MLLT1: variants seen among roughly 807,000 people sequenced by gnomAD.
MLLT1 encodes MLLT1 super elongation complex subunit.
A neutral mutation model predicts 55.1 loss-of-function variants in MLLT1; 11 were observed. The observed-to-expected ratio is 0.20, with a 90% CI of 0.13 to 0.33. MLLT1 has a LOEUF of 0.33. Ranked by LOEUF, MLLT1 falls within the 10% of genes least tolerant of loss-of-function variation. The pLI, the probability that MLLT1 is intolerant of heterozygous loss-of-function variation, is 1.00. For missense variants in MLLT1, 536 were observed against 760.6 expected (o/e 0.70, Z 3.47); for synonymous variants, 323 against 320.1 (o/e 1.01, Z -0.10).
intron 3 of MLLT1, among the ~76,000 whole-genome samples, chr19:6,237,274 A>C (rs895652894): frequency 2.0e-5 from 3 of 151,980 alleles, no homozygotes; most frequent in African/African-American, 7.2e-5. Context: ...CCCACACCCC[A>C]CCTGGAGGAC....
At chr19:6,275,432 C>T (rs2091422874) in intron 1 of MLLT1, among the ~76,000 whole-genome samples, 1 of 152,142 alleles carries the variant, frequency 6.6e-6, no homozygotes, top group East Asian at 1.9e-4. Context: ...TCCCATGGAG[C>T]GACGGCAACA....
intron 2 of MLLT1, among the ~76,000 whole-genome samples, chr19:6,268,224 A>C (rs2091364936): frequency 6.6e-6 from 1 of 152,240 alleles, no homozygotes; most frequent in African/African-American, 2.4e-5. Flanking sequence ...CCCAAAGGTA[A>C]ACAGGCTCAC....
intron 3 of MLLT1, chr19:6,259,367 G>C (rs1002048390): frequency 6.6e-6 from 1 of 152,208 alleles, no homozygotes; most frequent in African/African-American, 2.4e-5. Flanking sequence ...CCTATCCCTG[G>C]CACCAAAACT....
Position 6,213,382 on chromosome 19 carries a change from T to A in MLLT1, c.1506A>T (p.Leu502=). ...CCCGCAGCGCCATCAGCCTCCGGTG[T>A]AGCTCCACCAGCTCATCCGTGTAGG... ...DKAYTDELVE[L]HRRLMALRER... is the part of the protein sequence containing the mutation. The change falls in exon 11 of 12, where the codon CTA becomes CTT. Residue 502 remains leucine, a synonymous_variant. Coordinates refer to ENST00000252674, the MANE Select transcript of MLLT1 (RefSeq NM_005934.4). The A allele has an allele frequency of 6.2e-7, 1 of 1,611,924 alleles. No homozygotes were observed. The highest frequency in any genetic ancestry group is 1.3e-5 in the African/African-American group (1 of 75,028).
chr19:6,213,261 A>G, intron 11 of MLLT1, 76 bp downstream of exon 11: 1 of 1,604,428 alleles, frequency 6.2e-7, no homozygotes, highest in Admixed American at 1.7e-5. Flanking sequence ...CTGGGGCAGC[A>G]CCAGGGGCCC....
In MLLT1 at chr19:6,226,680, G is replaced by C. The variant is rs1187150768; in HGVS notation, c.546+297C>G. 6.6e-6 allele frequency among the ~76,000 whole-genome samples: 1 copy of C among 152,180 alleles called. No individual in the cohort carries two copies. Among genetic ancestry groups the C allele is most frequent in the African/African-American group, 2.4e-5 (1 of 41,470 alleles). On this transcript the variant is annotated intron_variant, in intron 5 of 11. Transcript: ENST00000252674. The surrounding 1 kb of genome is among the most constrained non-coding windows in gnomAD (Gnocchi z 6.3). ...AACAGCCTTCGGCGAAGGTCTCAGGGCTTCAGGCCGAGCAGTCCTGGGGCC... is the reference window on the plus strand; with the variant it reads ...AACAGCCTTCGGCGAAGGTCTCAGGCCTTCAGGCCGAGCAGTCCTGGGGCC...
chr19:6,270,445 G>A lies in MLLT1; in HGVS notation c.193+134C>T, dbSNP rs935220226. ...GGTGACACGGCTCCAGTGCCCCCAC[G>A]CCGAGGGACGCAAGCTGGAACCTCA... On this transcript the variant is annotated intron_variant, in intron 2 of 11. Coordinates refer to ENST00000252674, the MANE Select transcript of MLLT1 (RefSeq NM_005934.4). This position sits in a 1 kb window ranked among gnomAD's most constrained non-coding sequence, Gnocchi z 7.1. The A allele has an allele frequency of 4.4e-6, 4 of 915,706 alleles. No homozygotes were observed. Among genetic ancestry groups the A allele is most frequent in the African/African-American group, 3.4e-5 (2 of 59,208 alleles). 56.7% of individuals were successfully genotyped at this position (915,706 alleles called of 1,614,324 possible).
At chr19:6,232,472 G>A (rs566970643) in intron 3 of MLLT1, among the ~76,000 whole-genome samples, 2 of 152,284 alleles carry the variant, frequency 1.3e-5, no homozygotes, top group East Asian at 1.9e-4. Flanking sequence ...AAGCACTAAC[G>A]CCACATAGCT....
chr19:6,260,251 G>A (rs565014961), intron 3 of MLLT1, among the ~76,000 whole-genome samples: 49 of 152,266 alleles, frequency 3.2e-4, no homozygotes, highest in South Asian at 4.1e-4. Flanking sequence ...AAGGGCCCCC[G>A]GCTCCCTTTA....
In MLLT1 at chr19:6,227,196, A is replaced by C. The variant is rs1172958227; in HGVS notation, c.421-94T>G. The C allele has an allele frequency of 1.2e-5, 16 of 1,327,456 alleles. No individual in the cohort carries two copies. In the Admixed American group the frequency reaches 4.3e-4, roughly 36 times the overall value. 82.2% of individuals were successfully genotyped at this position (1,327,456 alleles called of 1,614,324 possible). On this transcript the variant is annotated intron_variant, in intron 4 of 11. Transcript: ENST00000252674. The surrounding 1 kb of genome is among the most constrained non-coding windows in gnomAD (Gnocchi z 5.1). The stretch of plus-strand genomic sequence containing the variant: ...AGGTGGTGGGGCTTCCCTCTGCAGG[A>C]GGGGAGAAGGGAGAGCCTGAGCGCT...
chr19:6,244,875 A>C (rs2091152065), intron 3 of MLLT1, among the ~76,000 whole-genome samples: 1 of 152,206 alleles, frequency 6.6e-6, no homozygotes, highest in Non-Finnish European at 1.5e-5. Flanking sequence ...TGCAAATCAA[A>C]ACCTAACCAG....
chr19:6,241,916 T>A (rs1384523576), intron 3 of MLLT1, among the ~76,000 whole-genome samples: 1 of 152,154 alleles, frequency 6.6e-6, no homozygotes, highest in Non-Finnish European at 1.5e-5. Context: ...CTCGGCCACA[T>A]CAACCGGCCG....
intron 5 of MLLT1, among the ~76,000 whole-genome samples, chr19:6,225,039 T>A (rs2090941689): frequency 6.6e-6 from 1 of 152,316 alleles, no homozygotes; most frequent in South Asian, 2.1e-4. Flanking sequence ...AAAATCACGT[T>A]TGCAAGGTTG....
chr19:6,222,529 G>C lies in MLLT1; in HGVS notation c.702C>G (p.Gly234=), dbSNP rs751164053. 6.2e-7 allele frequency: 1 copy of C among 1,600,364 alleles called. No homozygotes were observed. The highest frequency in any genetic ancestry group is 8.5e-7 in the Non-Finnish European group (1 of 1,179,612). The change falls in exon 6 of 12, where the codon GGC becomes GGG. Residue 234 remains glycine (G), a synonymous_variant. Transcript: ENST00000252674. The surrounding 1 kb of genome is among the most constrained non-coding windows in gnomAD (Gnocchi z 4.1). ...TCTCCTCCTTGGGCAGCCGGCCCTC[G>C]CCCAGCTTCCGCGAGGTGTCCTTGG... ...KSSKDTSRKL[G]EGRLPKEEKA... is the part of the protein sequence containing the mutation.
rs2090791760 is a variant in MLLT1 at position 6,212,744 on chromosome 19, GGGCCCCC to G, written c.*291_*297del. 8.8e-7 allele frequency: 1 copy of G among 1,135,530 alleles called. No individual in the cohort carries two copies. Among genetic ancestry groups the G allele is most frequent in the Non-Finnish European group, 1.1e-6 (1 of 905,192 alleles). The allele number at this position is 1,135,530 out of a possible 1,614,324, so 70.3% of individuals were successfully genotyped here. On this transcript the variant is annotated 3_prime_UTR_variant, in exon 12 of 12. Transcript: ENST00000252674. Reference sequence around the variant, plus strand: ...GGGGCTGGTCCCAAGGCTGGGCGAGGGGCCCCCGGCCCTGTCTCTGCCCAGAGCTGCC... The same window carrying G: ...GGGGCTGGTCCCAAGGCTGGGCGAGGGGCCCTGTCTCTGCCCAGAGCTGCC...
chr19:6,255,259 G>A (rs528495591), intron 3 of MLLT1, among the ~76,000 whole-genome samples: 2 of 152,364 alleles, frequency 1.3e-5, no homozygotes, highest in Admixed American at 6.5e-5. Flanking sequence ...TTGGGAGGCC[G>A]AGGTGGGCGG....
intron 1 of MLLT1, among the ~76,000 whole-genome samples, chr19:6,277,495 A>G (rs1352634595): frequency 6.6e-6 from 1 of 152,186 alleles, no homozygotes. Flanking sequence ...CATTCGAGTT[A>G]GTTTAAATGT....
chr19:6,233,726 A>G (rs2091033917), intron 3 of MLLT1, among the ~76,000 whole-genome samples: 1 of 152,186 alleles, frequency 6.6e-6, no homozygotes, highest in Non-Finnish European at 1.5e-5. Flanking sequence ...CTTGTCCTGT[A>G]AGAAGACCAG....
intron 1 of MLLT1, among the ~76,000 whole-genome samples, chr19:6,271,678 T>A (rs1186344628): frequency 6.6e-6 from 1 of 152,158 alleles, no homozygotes; most frequent in Non-Finnish European, 1.5e-5. Context: ...CCCCAGACTT[T>A]TCACAGATAC....
Sources: gnomAD v4.1 joint callset for allele counts (sites outside exome capture counted in the v4.1 genomes callset) on GRCh38, gnomAD v4.1.1 for gene constraint, Gnocchi (gnomAD v3.1) non-coding constraint, MANE v1.5 for transcripts, NCBI Gene and HGNC (gene_info 2026-07-23, HGNC 2026-07-21) for gene names.